LONRF2: variants seen among roughly 807,000 people sequenced by gnomAD.
LONRF2 encodes the protein LON peptidase N-terminal domain and RING finger protein 2.
In LONRF2, 35 loss-of-function variants were observed where a neutral mutation model predicts 66.6. That is an observed-to-expected ratio of 0.53 (90% CI 0.40 to 0.70). LONRF2 has a LOEUF of 0.70. LONRF2 is among the 30% of genes least tolerant of loss of function. The probability of loss-of-function intolerance (pLI) is 0.00; values close to 1 mark genes in which losing one functional copy is unlikely to be tolerated. For synonymous variants in LONRF2, 417 were observed against 418.1 expected (o/e 1.00, Z 0.03); for missense variants, 902 against 1,002.1 (o/e 0.90, Z 1.35).
Position 100,302,902 on chromosome 2 carries a change from C to A in LONRF2, c.921+19G>T, listed in dbSNP as rs996648010. On this transcript the variant is annotated intron_variant, in intron 3 of 11. Transcript: ENST00000393437. Reference sequence around the variant, plus strand: ...ATAAATAAGACCTGATAGAGAAAGTCCTTTAACAGAACTCATACCTTCTGT... The same window carrying A: ...ATAAATAAGACCTGATAGAGAAAGTACTTTAACAGAACTCATACCTTCTGT... 14 of 1,574,624 alleles carry A rather than the reference C, an allele frequency of 8.9e-6. No homozygotes were observed. In the African/African-American group the frequency reaches 1.8e-4, roughly 20 times the overall value.
At chr2:100,299,172 A>G in intron 6 of LONRF2, 54 bp downstream of exon 6, 1 of 1,337,488 alleles carries the variant, frequency 7.5e-7, no homozygotes, top group Non-Finnish European at 1.0e-6. Flanking sequence ...TTTGGTATAC[A>G]TTTCAGAAAG....
chr2:100,290,831 G>A (rs1214976402), intron 9 of LONRF2, among the ~76,000 whole-genome samples: 5 of 152,164 alleles, frequency 3.3e-5, no homozygotes, highest in Non-Finnish European at 5.9e-5. Context: ...CCCACACTCC[G>A]ATTGTAACTA....
chr2:100,303,505 A>G (rs943736287), intron 2 of LONRF2, among the ~76,000 whole-genome samples: 3 of 152,208 alleles, frequency 2.0e-5, no homozygotes, highest in Non-Finnish European at 2.9e-5. Flanking sequence ...GTAATTTCCC[A>G]TGGCATTTTC....
chr2:100,316,180 G>A (rs570462854), intron 1 of LONRF2, among the ~76,000 whole-genome samples: 4 of 151,754 alleles, frequency 2.6e-5, no homozygotes, highest in Non-Finnish European at 5.9e-5. Context: ...TTAGCCAGGC[G>A]TTGTGGCAGG....
In LONRF2 at chr2:100,294,159, A is replaced by T. The variant is rs1675017285; in HGVS notation, c.1757+70T>A. 1.9e-6 allele frequency: 3 copies of T among 1,568,186 alleles called. No individual in the cohort carries two copies. In the Admixed American group the frequency reaches 5.7e-5, roughly 30 times the overall value. On this transcript the variant is annotated intron_variant, in intron 9 of 11. Coordinates refer to ENST00000393437, the MANE Select transcript of LONRF2 (RefSeq NM_198461.4). ...AGGTTTTCAAGCATCAGCCTAAATC[A>T]TTCTGCAAGAAAAATGACAAACGAT...
At position 100,274,104 on chromosome 2, in the gene LONRF2, A is replaced by G. The variant is rs1432972573; in HGVS notation, c.*10194T>C. 6 of 152,230 alleles carry G rather than the reference A, an allele frequency of 3.9e-5. No homozygotes were observed. The East Asian group carries it at 1.2e-3, about 29-fold the overall frequency. The allele number at this position is 152,230 out of a possible 1,614,324, so 9.4% of individuals were successfully genotyped here. ...AAAAGGTTAGAGATACTCATGTTGC[A>G]AACTCCATCTTCATCCTTCAAAGGT... On this transcript the variant is annotated 3_prime_UTR_variant, in exon 12 of 12. Coordinates refer to ENST00000393437, the MANE Select transcript of LONRF2 (RefSeq NM_198461.4).
chr2:100,283,560 C>T lies in LONRF2; in HGVS notation c.*738G>A, dbSNP rs943462476. ...TCCCAATGCATATACAATTTTAACT[C>T]ACTTTATTGTGTGTAAATATATATA... On this transcript the variant is annotated 3_prime_UTR_variant, in exon 12 of 12. Transcript: ENST00000393437. 1.6e-5 allele frequency: 2 copies of T among 124,540 alleles called. No homozygotes were observed. Among genetic ancestry groups the T allele is most frequent in the Non-Finnish European group, 1.6e-5 (1 of 61,246 alleles). 7.7% of individuals were successfully genotyped at this position (124,540 alleles called of 1,614,324 possible).
In LONRF2 at chr2:100,322,209, G is replaced by T. The variant is rs1675653570; in HGVS notation, c.-116C>A. 4 of 1,059,486 alleles carry T rather than the reference G, an allele frequency of 3.8e-6. No homozygotes were observed. The highest frequency in any genetic ancestry group is 1.7e-5 in the African/African-American group (1 of 60,124). The allele number at this position is 1,059,486 out of a possible 1,614,324, so 65.6% of individuals were successfully genotyped here. On this transcript the variant is annotated 5_prime_UTR_variant, in exon 1 of 12. Transcript: ENST00000393437. The stretch of plus-strand genomic sequence containing the variant: ...TCTCAGCCCTCGCCAGCAGCCACGC[G>T]CGTCTGGGGGCGGCGCGCTGCGAGC...
intron 1 of LONRF2, among the ~76,000 whole-genome samples, chr2:100,316,850 G>A (rs1013953169): frequency 6.6e-6 from 1 of 152,076 alleles, no homozygotes; most frequent in Non-Finnish European, 1.5e-5. Context: ...ATGTGTGTGT[G>A]TACACTTGTT....
intron 10 of LONRF2, among the ~76,000 whole-genome samples, chr2:100,290,049 G>A (rs1674926364): frequency 6.6e-6 from 1 of 152,166 alleles, no homozygotes; most frequent in South Asian, 2.1e-4. Flanking sequence ...CAAGGCTGCA[G>A]TGGGCCAAGA....
chr2:100,316,624 A>G (rs1339107419), intron 1 of LONRF2, among the ~76,000 whole-genome samples: 1 of 151,460 alleles, frequency 6.6e-6, no homozygotes, highest in Non-Finnish European at 1.5e-5. Context: ...CCACAGGCCA[A>G]CTCCAACGCT....
chr2:100,310,683 G>C (rs1675390688), intron 1 of LONRF2, among the ~76,000 whole-genome samples: 1 of 152,212 alleles, frequency 6.6e-6, no homozygotes, highest in South Asian at 2.1e-4. Flanking sequence ...TATTAAGAGA[G>C]ACATTGCTGG....
At position 100,284,316 on chromosome 2, in the gene LONRF2, G is replaced by T; in HGVS notation, c.2247C>A (p.Ala749=). 1 of 1,550,790 alleles carries T rather than the reference G, an allele frequency of 6.4e-7. No homozygotes were observed. Among genetic ancestry groups the T allele is most frequent in the Non-Finnish European group, 8.7e-7 (1 of 1,144,486 alleles). ...AGAAAAATCAATTATTTCTCTCCCT[G>T]GCATTAGCCAGCTCTTGCCGACTAT... ...KMNSRQELAN[A]RERNN is the part of the protein sequence containing the mutation. The change falls in exon 12 of 12, where the codon GCC becomes GCA. Residue 749 remains alanine, a synonymous_variant. Transcript: ENST00000393437.
Position 100,300,780 on chromosome 2 carries a change from C to T in LONRF2, c.929G>A (p.Cys310Tyr), listed in dbSNP as rs756593398. Residue 310 changes from cysteine to tyrosine, a missense_variant, in exon 4 of 12, where the codon TGT becomes TAT. By Grantham distance (194) the Cys-to-Tyr change is radical (BLOSUM62 -2). Around this residue, in one of 2 missense-constraint regions of LONRF2, gnomAD observed 585 missense variants for 569.9 expected, o/e 1.03. Coordinates refer to ENST00000393437, the MANE Select transcript of LONRF2 (RefSeq NM_198461.4). Reference sequence around the variant, plus strand: ...TGCTGTAGCTGAAAACAGCACTTCACACATTACCTATAAAATTGCCAAGAA... The same window carrying T: ...TGCTGTAGCTGAAAACAGCACTTCATACATTACCTATAAAATTGCCAAGAA... ...SVKKEAQKVMCEVLFSATANV... is the reference protein window; with the variant it reads ...SVKKEAQKVMYEVLFSATANV... 5 of 1,585,822 alleles carry T rather than the reference C, an allele frequency of 3.2e-6. No homozygotes were observed. The highest frequency in any genetic ancestry group is 1.2e-5 in the South Asian group (1 of 84,814).
At chr2:100,285,092 AC>A in intron 11 of LONRF2, among the ~76,000 whole-genome samples, 1 of 152,338 alleles carries the variant, frequency 6.6e-6, no homozygotes, top group Non-Finnish European at 1.5e-5. Flanking sequence ...CCGATCATAA[AC>A]TCGTTCTCAA....
intron 1 of LONRF2, among the ~76,000 whole-genome samples, chr2:100,318,633 C>T (rs1349730430): frequency 1.3e-5 from 2 of 148,162 alleles, no homozygotes; most frequent in East Asian, 4.1e-4. Context: ...TGGAGATCAG[C>T]CCGGACAACA....
At chr2:100,293,850 G>A (rs1675009643) in intron 9 of LONRF2, among the ~76,000 whole-genome samples, 1 of 152,150 alleles carries the variant, frequency 6.6e-6, no homozygotes, top group South Asian at 2.1e-4. Context: ...AAAGTGCTGG[G>A]ATTACAAGCG....
In LONRF2 at chr2:100,284,156, A is replaced by G; in HGVS notation, c.*142T>C. 1 of 699,240 alleles carries G rather than the reference A, an allele frequency of 1.4e-6. No individual in the cohort carries two copies. Among genetic ancestry groups the G allele is most frequent in the Non-Finnish European group, 2.3e-6 (1 of 432,564 alleles). 43.3% of individuals were successfully genotyped at this position (699,240 alleles called of 1,614,324 possible). On this transcript the variant is annotated 3_prime_UTR_variant, in exon 12 of 12. Coordinates refer to ENST00000393437, the MANE Select transcript of LONRF2 (RefSeq NM_198461.4). ...AGACACAGAATTGTCATTTTTGAGG[A>G]GGACTCAATGTTTGGCAAGCGTCCC...
chr2:100,321,318 C>T, intron 1 of LONRF2, 97 bp downstream of exon 1: 3 of 1,106,390 alleles, frequency 2.7e-6, no homozygotes, highest in Admixed American at 4.2e-5. Context: ...ACAAAGCTCT[C>T]GAAAGCCCAA....
Sources: allele counts gnomAD v4.1 joint callset (sites outside exome capture counted in the v4.1 genomes callset), GRCh38; gene constraint gnomAD v4.1.1; regional missense constraint gnomAD v4.1.1; transcripts MANE v1.5; gene names NCBI Gene and HGNC (gene_info 2026-07-23, HGNC 2026-07-21).